Variants in AGBL1 observed in about 807,000 individuals in gnomAD.
AGBL1 encodes the protein cytosolic carboxypeptidase 4.
AGBL1 carries 130 observed loss-of-function variants against 118.9 expected under a neutral mutation model. The ratio of observed to expected loss-of-function variants is 1.09; its 90% CI spans 0.95 to 1.26. The LOEUF is 1.26. Among genes scored for constraint, AGBL1 ranks in the 50% most tolerant of loss-of-function variants. The probability of loss-of-function intolerance (pLI) is 0.00; values close to 1 mark genes in which losing one functional copy is unlikely to be tolerated. For missense variants in AGBL1, 1,584 were observed against 1,298.1 expected (o/e 1.22, Z -3.38); for synonymous variants, 555 against 478.9 (o/e 1.16, Z -2.08).
intron 24 of AGBL1, among the ~76,000 whole-genome samples, chr15:87,004,158 A>T (rs2081471805): frequency 6.6e-6 from 1 of 152,178 alleles, no homozygotes; most frequent in Non-Finnish European, 1.5e-5. Context: ...AGATTCTGGT[A>T]TGTTGTGTCT....
chr15:86,398,413 T>A (rs1197983678), intron 18 of AGBL1, among the ~76,000 whole-genome samples: 1 of 152,108 alleles, frequency 6.6e-6, no homozygotes, highest in East Asian at 1.9e-4. Flanking sequence ...ATGGACATTC[T>A]ATCCCATGAG....
chr15:86,368,890 C>T (rs2080930180), intron 17 of AGBL1, among the ~76,000 whole-genome samples: 1 of 152,086 alleles, frequency 6.6e-6, no homozygotes, highest in African/African-American at 2.4e-5. Flanking sequence ...TTAGAAACAT[C>T]ATATTTAATT....
intron 17 of AGBL1, among the ~76,000 whole-genome samples, chr15:86,329,235 G>C (rs1365753938): frequency 6.6e-6 from 1 of 152,098 alleles, no homozygotes; most frequent in South Asian, 2.1e-4. Flanking sequence ...CTCCCAGGCA[G>C]AAATCCAGGC....
intron 22 of AGBL1, among the ~76,000 whole-genome samples, chr15:86,883,688 A>G (rs1480556818): frequency 6.6e-6 from 1 of 152,154 alleles, no homozygotes; most frequent in Non-Finnish European, 1.5e-5. Flanking sequence ...TCCCTAGCAC[A>G]TGGTAGGTAG....
At chr15:86,302,278 T>C (rs1214377188) in intron 17 of AGBL1, among the ~76,000 whole-genome samples, 1 of 152,184 alleles carries the variant, frequency 6.6e-6, no homozygotes, top group East Asian at 1.9e-4. Context: ...CATAATATCA[T>C]TTGGTTCTTA....
chr15:86,719,544 C>G lies in AGBL1; in HGVS notation c.3158+45108C>G, dbSNP rs142781253. ...TGAGCTTCCCAGTAAAACCAGACTC[C>G]ATCCTGAAGCTTTTCTCTCAGATCA... On this transcript the variant is annotated intron_variant, in intron 22 of 22. Coordinates refer to ENST00000614907, the MANE Select transcript of AGBL1 (RefSeq NM_001386094.1). Among the ~76,000 whole-genome samples, 1,426 of 152,210 alleles carry G rather than the reference C, an allele frequency of 9.4e-3. 21 individuals carry two copies. Among genetic ancestry groups the G allele is most frequent in the African/African-American group, 0.032 (1,344 of 41,536 alleles).
chr15:86,694,144 A>G lies in AGBL1; in HGVS notation c.3158+19708A>G, dbSNP rs183963225. Among the ~76,000 whole-genome samples, 1,298 of 152,092 alleles carry G rather than the reference A, an allele frequency of 8.5e-3. 52 individuals are homozygous for G. The highest frequency in any genetic ancestry group is 0.077 in the Admixed American group (1,171 of 15,260). Reference sequence around the variant, plus strand: ...TAGTTCTGTGAAGAATGATGGGAATATTTTGGTGGGAATTGCATTGAATTT... The same window carrying G: ...TAGTTCTGTGAAGAATGATGGGAATGTTTTGGTGGGAATTGCATTGAATTT... On this transcript the variant is annotated intron_variant, in intron 22 of 22. Transcript: ENST00000614907.
chr15:86,456,266 A>G (rs1282748485), intron 18 of AGBL1, among the ~76,000 whole-genome samples: 1 of 152,208 alleles, frequency 6.6e-6, no homozygotes. Context: ...ATGTTCTCTT[A>G]AACTGAAAAA....
intron 17 of AGBL1, among the ~76,000 whole-genome samples, chr15:86,346,998 G>C (rs1172034049): frequency 6.6e-6 from 1 of 152,154 alleles, no homozygotes; most frequent in African/African-American, 2.4e-5. Context: ...GTGGAGCTTT[G>C]AGGGCTTTAT....
intron 3 of AGBL1, among the ~76,000 whole-genome samples, chr15:86,152,644 C>G (rs1385418396): frequency 2.0e-5 from 3 of 152,122 alleles, no homozygotes; most frequent in Non-Finnish European, 1.5e-5. Flanking sequence ...GCAATGGCAA[C>G]AAAAACCAAA....
chr15:87,015,105 C>T (rs910543844), intron 24 of AGBL1, among the ~76,000 whole-genome samples: 1 of 152,122 alleles, frequency 6.6e-6, no homozygotes, highest in Non-Finnish European at 1.5e-5. Context: ...TCTTCTCCTG[C>T]CCTTGGACAT....
At chr15:86,548,936 C>G (rs1371875626) in intron 20 of AGBL1, among the ~76,000 whole-genome samples, 1 of 152,002 alleles carries the variant, frequency 6.6e-6, no homozygotes, top group East Asian at 1.9e-4. Flanking sequence ...GAAGGGGGAG[C>G]AGGCACTTCA....
At chr15:86,816,617 A>G (rs998565947) in intron 22 of AGBL1, among the ~76,000 whole-genome samples, 1 of 152,160 alleles carries the variant, frequency 6.6e-6, no homozygotes. Context: ...CTTATTTGAA[A>G]GCAATTCAGT....
intron 18 of AGBL1, among the ~76,000 whole-genome samples, chr15:86,510,650 T>A (rs2142177421): frequency 6.6e-6 from 1 of 152,214 alleles, no homozygotes; most frequent in East Asian, 1.9e-4. Context: ...TAAAGATTTC[T>A]CTCCAACAAG....
intron 23 of AGBL1, among the ~76,000 whole-genome samples, chr15:86,940,098 G>A (rs1175263372): frequency 7.7e-6 from 1 of 130,148 alleles, no homozygotes; most frequent in South Asian, 2.5e-4. Context: ...TGGTAGAGAC[G>A]GGGTTTCTCT....
At chr15:86,278,317 C>A (rs1008088702) in intron 15 of AGBL1, among the ~76,000 whole-genome samples, 2 of 152,072 alleles carry the variant, frequency 1.3e-5, no homozygotes, top group African/African-American at 4.8e-5. Context: ...TACAGGGTAC[C>A]CTCCTTTCCC....
At chr15:86,963,891 G>T (rs1036441064) in intron 23 of AGBL1, among the ~76,000 whole-genome samples, 1 of 151,914 alleles carries the variant, frequency 6.6e-6, no homozygotes, top group Non-Finnish European at 1.5e-5. Flanking sequence ...TAAAGCCAGA[G>T]ATAAGAGATC....
intron 17 of AGBL1, among the ~76,000 whole-genome samples, chr15:86,323,650 T>C (rs2080139670): frequency 6.6e-6 from 1 of 152,172 alleles, no homozygotes; most frequent in Non-Finnish European, 1.5e-5. Context: ...TTAAGTGGTC[T>C]TAGGGTTTAA....
At chr15:86,894,039 C>T (rs1236726674) in intron 22 of AGBL1, among the ~76,000 whole-genome samples, 2 of 152,102 alleles carry the variant, frequency 1.3e-5, no homozygotes, top group East Asian at 3.9e-4. Flanking sequence ...TTATATTTTG[C>T]CCCTACACCA....
Sources: allele counts gnomAD v4.1 joint callset (sites outside exome capture counted in the v4.1 genomes callset), GRCh38; gene constraint gnomAD v4.1.1; transcripts MANE v1.5; gene names NCBI Gene and HGNC (gene_info 2026-07-23, HGNC 2026-07-21).